Variants in MAEA observed in about 807,000 individuals in gnomAD.
MAEA encodes macrophage erythroblast attacher, E3 ubiquitin ligase, also known as E3 ubiquitin-protein transferase MAEA.
MAEA carries 22 observed loss-of-function variants against 46.2 expected under a neutral mutation model. The observed-to-expected ratio is 0.48, with a 90% CI of 0.34 to 0.68. MAEA has a LOEUF of 0.68. Ranked by LOEUF, MAEA falls within the 30% of genes least tolerant of loss-of-function variation. The pLI, the probability that MAEA is intolerant of heterozygous loss-of-function variation, is 0.01. For synonymous variants in MAEA, 246 were observed against 222.6 expected (o/e 1.11, Z -0.94); for missense variants, 393 against 558.1 (o/e 0.70, Z 2.98).
rs555845108 is a variant in MAEA at position 1,321,527 on chromosome 4, A to G, written c.457-854A>G. Reference sequence around the variant, plus strand: ...GTTATGAGGGGTTTCAGAAAAGAGTAATCATCAAAGAAAACAGCGCATCTG... The same window carrying G: ...GTTATGAGGGGTTTCAGAAAAGAGTGATCATCAAAGAAAACAGCGCATCTG... On this transcript the variant is annotated intron_variant, in intron 3 of 8. Coordinates refer to ENST00000303400, the MANE Select transcript of MAEA (RefSeq NM_001017405.3). Among the ~76,000 whole-genome samples the G allele has an allele frequency of 9.1e-4, 138 of 152,376 alleles. 1 individual carries two copies. The highest frequency in any genetic ancestry group is 3.3e-3 in the African/African-American group (137 of 41,580).
chr4:1,339,118 A>G lies in MAEA; in HGVS notation c.1140A>G (p.Arg380=), dbSNP rs763635145. The change falls in exon 9 of 9, where the codon AGA becomes AGG. Residue 380 remains arginine (R), a synonymous_variant. Coordinates refer to ENST00000303400, the MANE Select transcript of MAEA (RefSeq NM_001017405.3). ...AAGATGATAAAGTCGTGTGCCCGAGAACCAAAGAAGTCTTCCACTTCTCAC... is the reference window on the plus strand; with the variant it reads ...AAGATGATAAAGTCGTGTGCCCGAGGACCAAAGAAGTCTTCCACTTCTCAC... ...IRQDDKVVCP[R]TKEVFHFSQA... is the part of the protein sequence containing the mutation. 21 of 1,613,860 alleles carry G rather than the reference A, an allele frequency of 1.3e-5. No homozygotes were observed. In the East Asian group the frequency reaches 1.6e-4, roughly 12 times the overall value.
At chr4:1,315,682 A>G (rs960564231) in intron 3 of MAEA, 82 bp downstream of exon 3, 93 of 1,361,792 alleles carry the variant, frequency 6.8e-5, no homozygotes, top group Non-Finnish European at 1.7e-5. Flanking sequence ...GTCCCCCGGC[A>G]TGCCTGTGTC....
At chr4:1,309,768 C>T (rs983011991) in intron 1 of MAEA, 1 of 1,467,806 alleles carries the variant, frequency 6.8e-7, no homozygotes, top group African/African-American at 1.4e-5. Flanking sequence ...GTGGCGCGTT[C>T]TGGGCAGGGC....
In MAEA at chr4:1,306,135, G is replaced by T. The variant is rs1735805295; in HGVS notation, c.70-5844G>T. ...CCATTCAGATATTAATCCCATCCCAGAATGCTCTCACAGTCACACCCAGAA... is the reference window on the plus strand; with the variant it reads ...CCATTCAGATATTAATCCCATCCCATAATGCTCTCACAGTCACACCCAGAA... On this transcript the variant is annotated intron_variant, in intron 1 of 8. Transcript: ENST00000303400. Among the ~76,000 whole-genome samples the T allele has an allele frequency of 1.3e-5, 2 of 152,190 alleles. 1 individual carries two copies. The highest frequency in any genetic ancestry group is 4.1e-4 in the South Asian group (2 of 4,834).
At chr4:1,323,668 G>A (rs917359867) in intron 4 of MAEA, 4 of 697,800 alleles carry the variant, frequency 5.7e-6, no homozygotes, top group Non-Finnish European at 1.0e-5. Context: ...CAGAGAGCCG[G>A]CACACACCTC....
At chr4:1,336,838 A>C in intron 6 of MAEA, 23 bp from the exon 7 acceptor site, 1 of 1,609,842 alleles carries the variant, frequency 6.2e-7, no homozygotes, top group Non-Finnish European at 8.5e-7. Flanking sequence ...CATCCCCAGG[A>C]CCCTCTGCTC....
At chr4:1,303,483 AT>A (rs1735534596) in intron 1 of MAEA, among the ~76,000 whole-genome samples, 2 of 152,102 alleles carry the variant, frequency 1.3e-5, no homozygotes, top group South Asian at 4.2e-4. Context: ...AGGTATACGA[AT>A]ACCACGGAAG....
chr4:1,326,568 C>A (rs554864686), intron 4 of MAEA, among the ~76,000 whole-genome samples: 2 of 152,282 alleles, frequency 1.3e-5, no homozygotes, highest in African/African-American at 2.4e-5. Context: ...CTTAGGTGCA[C>A]GTGAGAGGCT....
chr4:1,302,139 A>G (rs967414325), intron 1 of MAEA, among the ~76,000 whole-genome samples: 1 of 152,264 alleles, frequency 6.6e-6, no homozygotes, highest in African/African-American at 2.4e-5. Context: ...AGAAAACAAA[A>G]TATAGAAAGG....
chr4:1,307,315 G>T (rs569915690), intron 1 of MAEA, among the ~76,000 whole-genome samples: 10 of 152,180 alleles, frequency 6.6e-5, no homozygotes, highest in African/African-American at 2.4e-4. Flanking sequence ...GAACAAAACT[G>T]CCTCCTCCCC....
intron 1 of MAEA, chr4:1,297,952 C>T (rs1050799056): frequency 2.2e-6 from 1 of 455,834 alleles, no homozygotes; most frequent in Non-Finnish European, 4.4e-6. Context: ...TCCCATTGTT[C>T]TAGAACATTC....
intron 5 of MAEA, chr4:1,331,516 A>G (rs1467099178): frequency 6.6e-6 from 1 of 152,460 alleles, no homozygotes; most frequent in Non-Finnish European, 1.5e-5. Flanking sequence ...GAGACACTGC[A>G]TCTTCTCCAA....
At chr4:1,290,287 A>C (rs1367418731) in intron 1 of MAEA, among the ~76,000 whole-genome samples, 17 of 151,636 alleles carry the variant, frequency 1.1e-4, no homozygotes, top group African/African-American at 3.9e-4. Flanking sequence ...TGGAAGCCGG[A>C]GTTTGCGGGG....
chr4:1,294,142 C>T (rs1213859333), intron 1 of MAEA, among the ~76,000 whole-genome samples: 2 of 152,208 alleles, frequency 1.3e-5, no homozygotes, highest in Admixed American at 6.5e-5. Context: ...CTCCAGAATC[C>T]GCCCGGTCTC....
At chr4:1,335,009 C>G in intron 6 of MAEA, 1 of 985,428 alleles carries the variant, frequency 1.0e-6, no homozygotes. Flanking sequence ...CTGATGACCA[C>G]CTCCCCTCCC....
chr4:1,323,418 G>T, intron 4 of MAEA: 2 of 695,382 alleles, frequency 2.9e-6, no homozygotes, highest in Non-Finnish European at 5.3e-6. Flanking sequence ...TAAACTGAGC[G>T]CTGCTTTAAC....
At chr4:1,292,266 A>G (rs1734173366) in intron 1 of MAEA, among the ~76,000 whole-genome samples, 1 of 152,186 alleles carries the variant, frequency 6.6e-6, no homozygotes, top group Admixed American at 6.5e-5. Flanking sequence ...TGAGTCCTCC[A>G]CAGACTCACA....
chr4:1,308,891 A>G (rs547871764), intron 1 of MAEA, among the ~76,000 whole-genome samples: 1 of 152,120 alleles, frequency 6.6e-6, no homozygotes, highest in Admixed American at 6.5e-5. Context: ...TGCAGTTTTT[A>G]AGTTTGATGT....
chr4:1,302,851 A>T (rs1735455102), intron 1 of MAEA, among the ~76,000 whole-genome samples: 1 of 152,246 alleles, frequency 6.6e-6, no homozygotes, highest in South Asian at 2.1e-4. Context: ...GCCACTAAGC[A>T]CATCATTAAT....
Sources: gnomAD v4.1 joint callset for allele counts (sites outside exome capture counted in the v4.1 genomes callset) on GRCh38, gnomAD v4.1.1 for gene constraint, MANE v1.5 for transcripts, NCBI Gene and HGNC (gene_info 2026-07-23, HGNC 2026-07-21) for gene names.